TNPO3: variants seen among roughly 807,000 people sequenced by gnomAD.
The protein encoded by TNPO3 is transportin-3.
Under a neutral mutation model 122.8 loss-of-function variants are expected in TNPO3, and 65 were observed. That is an observed-to-expected ratio of 0.53 (90% CI 0.43 to 0.65). The LOEUF is 0.65. TNPO3 is among the 30% of genes least tolerant of loss of function. The pLI is 0.00. For synonymous variants in TNPO3, 372 were observed against 411.2 expected (o/e 0.90, Z 1.15); for missense variants, 850 against 1,136.7 (o/e 0.75, Z 3.63).
intron 12 of TNPO3, among the ~76,000 whole-genome samples, chr7:128,984,612 GTCTT>G (rs1362572923): frequency 6.6e-6 from 1 of 152,188 alleles, no homozygotes; most frequent in African/African-American, 2.4e-5. Flanking sequence ...GTCAAAGAGA[GTCTT>G]TATTTTTGAT....
intron 21 of TNPO3, among the ~76,000 whole-genome samples, chr7:128,963,313 T>G (rs1797643460): frequency 6.6e-6 from 1 of 152,180 alleles, no homozygotes; most frequent in African/African-American, 2.4e-5. Flanking sequence ...AGGTTCCCAT[T>G]TGCTTTAGGA....
Position 128,997,396 on chromosome 7 carries a change from G to A in TNPO3, c.1151C>T (p.Pro384Leu), listed in dbSNP as rs200546524. 6.2e-7 allele frequency: 1 copy of A among 1,614,132 alleles called. No homozygotes were observed. The highest frequency in any genetic ancestry group is 1.3e-5 in the African/African-American group (1 of 75,060). ...GTAGAGAAGGGAACTTACATGGTCTGGTTCCAGCTGGCAGTGTCGAGCCAA... is the reference window on the plus strand; with the variant it reads ...GTAGAGAAGGGAACTTACATGGTCTAGTTCCAGCTGGCAGTGTCGAGCCAA... ...HALARHCQLEPDHEGVPEETD... is the reference protein window; with the variant it reads ...HALARHCQLELDHEGVPEETD... The change falls in exon 8 of 23, where the codon CCA (proline) becomes CTA (leucine). Residue 384 changes from proline (P) to leucine (L), a missense_variant. Transcript: ENST00000265388.
chr7:129,036,274 A>T (rs1445161448), intron 1 of TNPO3, among the ~76,000 whole-genome samples: 1 of 151,994 alleles, frequency 6.6e-6, no homozygotes, highest in Non-Finnish European at 1.5e-5. Flanking sequence ...TTTTAAAGGG[A>T]CAGGGTCTTG....
At chr7:129,049,546 A>G in intron 1 of TNPO3, among the ~76,000 whole-genome samples, 1 of 152,268 alleles carries the variant, frequency 6.6e-6, no homozygotes, top group East Asian at 1.9e-4. Flanking sequence ...AGGTTTTGAT[A>G]AAATTCAAGA....
chr7:128,989,262 A>G (rs1222128695), intron 11 of TNPO3, among the ~76,000 whole-genome samples: 2 of 152,230 alleles, frequency 1.3e-5, no homozygotes, highest in East Asian at 3.8e-4. Context: ...CACAGGAAAC[A>G]CATCAAACTT....
At chr7:128,992,135 G>A in intron 9 of TNPO3, 45 bp from the exon 10 acceptor site, 1 of 1,162,246 alleles carries the variant, frequency 8.6e-7, no homozygotes, top group African/African-American at 1.6e-5. Flanking sequence ...AAGGAAAACA[G>A]AATGCCAAAA....
intron 14 of TNPO3, 54 bp from the exon 15 acceptor site, chr7:128,980,085 C>T: frequency 6.7e-7 from 1 of 1,487,874 alleles, no homozygotes; most frequent in Non-Finnish European, 9.4e-7. Flanking sequence ...TCACTGAGGA[C>T]CCAGAGCCCT....
intron 4 of TNPO3, among the ~76,000 whole-genome samples, chr7:129,006,681 A>G (rs553780368): frequency 6.6e-6 from 1 of 152,196 alleles, no homozygotes; most frequent in African/African-American, 2.4e-5. Context: ...CTAAATAGTG[A>G]TATTTGTGGT....
chr7:128,964,333 CTTTTTT>C (rs35667373), intron 21 of TNPO3, among the ~76,000 whole-genome samples: 3 of 120,662 alleles, frequency 2.5e-5, no homozygotes, highest in Middle Eastern at 4.8e-3. Context: ...CCAAAACAAT[CTTTTTT>C]TTTTTTTTTT....
chr7:129,036,365 C>T (rs1041403926), intron 1 of TNPO3, among the ~76,000 whole-genome samples: 4 of 152,058 alleles, frequency 2.6e-5, no homozygotes, highest in African/African-American at 7.2e-5. Context: ...TACAGGTGTG[C>T]ACCACCGTAC....
intron 1 of TNPO3, among the ~76,000 whole-genome samples, chr7:129,054,116 C>A (rs1809155579): frequency 6.6e-6 from 1 of 152,090 alleles, no homozygotes; most frequent in African/African-American, 2.4e-5. Context: ...CACTCCAAAG[C>A]AAGGGGAAAA....
At chr7:129,055,714 A>G (rs1282527387), upstream of TNPO3, 4 of 278,348 alleles carry the variant, frequency 1.4e-5, no homozygotes, top group East Asian at 3.7e-4. Flanking sequence ...CTCACATTGA[A>G]CTGTATTTTT....
In TNPO3 at chr7:129,001,106, T is replaced by A. The variant is rs772858805; in HGVS notation, c.825A>T (p.Thr275=). The change falls in exon 6 of 23, where the codon ACA becomes ACT. Residue 275 remains threonine, a synonymous_variant. Coordinates refer to ENST00000265388, the MANE Select transcript of TNPO3 (RefSeq NM_012470.4). ...LAMQLFQGVL[T]LETAYHMAVA... is the part of the protein sequence containing the mutation. ...CGGCCATATGATAGGCAGTCTCCAA[T>A]GTCAGCACTCCCTGAAAAAGTTGCA... 1 of 1,614,180 alleles carries A rather than the reference T, an allele frequency of 6.2e-7. No individual in the cohort carries two copies. Among genetic ancestry groups the A allele is most frequent in the Non-Finnish European group, 8.5e-7 (1 of 1,180,014 alleles).
rs559988470 is a variant in TNPO3, at chr7:128,976,643, T to C, written c.2062-708A>G. Among the ~76,000 whole-genome samples the C allele has an allele frequency of 1.6e-4, 25 of 152,206 alleles. No individual in the cohort carries two copies. The South Asian group carries it at 4.1e-3, about 25-fold the overall frequency. On this transcript the variant is annotated intron_variant, in intron 16 of 22. Coordinates refer to ENST00000265388, the MANE Select transcript of TNPO3 (RefSeq NM_012470.4). The stretch of plus-strand genomic sequence containing the variant: ...TGTGCACCACCATGCCCGGCCACGA[T>C]ATGCGCTTAAATGATTTGTTTAGAA...
chr7:129,011,083 T>G (rs751440340), intron 4 of TNPO3, among the ~76,000 whole-genome samples: 6 of 152,202 alleles, frequency 3.9e-5, no homozygotes, highest in Admixed American at 6.5e-5. Context: ...TTAATTCTCT[T>G]GAGGAACCCC....
Position 129,054,983 on chromosome 7 carries a change from T to C in TNPO3, c.-213A>G. 1.8e-6 allele frequency: 1 copy of C among 569,914 alleles called. No individual in the cohort carries two copies. Among genetic ancestry groups the C allele is most frequent in the Non-Finnish European group, 3.1e-6 (1 of 324,962 alleles). The allele number at this position is 569,914 out of a possible 1,614,324, so 35.3% of individuals were successfully genotyped here. A position where few individuals can be genotyped will look rare whatever the true frequency, so the allele number is the denominator to read the frequency against. On this transcript the variant is annotated 5_prime_UTR_variant, in exon 1 of 23. Transcript: ENST00000265388. ...AGGTCGTATTCAGGTTCCTGGCCTT[T>C]TTTCCGGTTTTTCCACTTGATTCTA...
chr7:129,045,066 G>A (rs1807859562), intron 1 of TNPO3, among the ~76,000 whole-genome samples: 1 of 152,170 alleles, frequency 6.6e-6, no homozygotes. Flanking sequence ...GATGAACCCT[G>A]AAGATATTAT....
At position 128,990,046 on chromosome 7, in the gene TNPO3, C is replaced by T. The variant is rs1800587304; in HGVS notation, c.1413G>A (p.Glu471=). ...TGTATCGCACAGCCGTATGTACGGT[C>T]TCCGGGAGGCGGACAACTCCTTCTA... ...EVLEGVVRLP[E]TVHTAVRYTS... Residue 471 remains glutamate (E), a synonymous_variant, in exon 11 of 23, where the codon GAG becomes GAA. Coordinates refer to ENST00000265388, the MANE Select transcript of TNPO3 (RefSeq NM_012470.4). The T allele has an allele frequency of 6.2e-7, 1 of 1,614,114 alleles. No homozygotes were observed. The highest frequency in any genetic ancestry group is 1.7e-5 in the Admixed American group (1 of 60,010).
chr7:129,053,753 A>T (rs2150581973), intron 1 of TNPO3, among the ~76,000 whole-genome samples: 1 of 152,332 alleles, frequency 6.6e-6, no homozygotes, highest in African/African-American at 2.4e-5. Flanking sequence ...TTAGTTTTCA[A>T]AGTACTTAAT....
Sources: allele counts gnomAD v4.1 joint callset (sites outside exome capture counted in the v4.1 genomes callset), GRCh38; gene constraint gnomAD v4.1.1; transcripts MANE v1.5; gene names NCBI Gene and HGNC (gene_info 2026-07-23, HGNC 2026-07-21).